PPM1D: variants seen among roughly 807,000 people sequenced by gnomAD.
The protein encoded by PPM1D is protein phosphatase, Mg2+/Mn2+ dependent 1D, also known as protein phosphatase 1D.
A neutral mutation model predicts 58.3 loss-of-function variants in PPM1D; 52 were observed. The ratio of observed to expected loss-of-function variants is 0.89; its 90% CI spans 0.71 to 1.12. The LOEUF (loss-of-function observed/expected upper bound fraction) is 1.12, where lower values mean the gene tolerates loss of function less well. Among genes scored for constraint, PPM1D ranks in the 50% most tolerant of loss-of-function variants. PPM1D has a pLI of 0.00. For missense variants in PPM1D, 564 were observed against 777.2 expected (o/e 0.73, Z 3.26); for synonymous variants, 278 against 285.1 (o/e 0.98, Z 0.25).
rs2143605964 is a variant in PPM1D at position 60,600,258 on chromosome 17, T to C, written c.-157T>C. Reference sequence around the variant, plus strand: ...CTCCGGCCCAGCTCTCGCGGACAAGTCCAGACATCGCGCGCCCCCCCTTCT... The same window carrying C: ...CTCCGGCCCAGCTCTCGCGGACAAGCCCAGACATCGCGCGCCCCCCCTTCT... On this transcript the variant is annotated 5_prime_UTR_variant, in exon 1 of 6. Coordinates refer to ENST00000305921, the MANE Select transcript of PPM1D (RefSeq NM_003620.4). The C allele has an allele frequency of 2.2e-6, 3 of 1,385,304 alleles. 1 individual carries two copies. In the South Asian group the frequency reaches 4.4e-5, roughly 20 times the overall value. 85.8% of individuals were successfully genotyped at this position (1,385,304 alleles called of 1,614,324 possible).
intron 2 of PPM1D, among the ~76,000 whole-genome samples, chr17:60,632,693 AAG>A (rs530400715): frequency 3.5e-4 from 53 of 151,410 alleles, no homozygotes; most frequent in South Asian, 6.7e-4. Context: ...CTCCTCAAAA[AAG>A]AAAAAATTAG....
intron 5 of PPM1D, 49 bp downstream of exon 5, chr17:60,656,890 T>G: frequency 6.2e-7 from 1 of 1,611,588 alleles, no homozygotes; most frequent in East Asian, 2.2e-5. Flanking sequence ...ACACCAGTTC[T>G]TTGGTTAGCG....
chr17:60,631,468 G>A (rs1035825763), intron 2 of PPM1D, among the ~76,000 whole-genome samples: 3 of 151,898 alleles, frequency 2.0e-5, no homozygotes, highest in Non-Finnish European at 4.4e-5. Context: ...GTTAAACCCC[G>A]TCTCTACTAA....
intron 1 of PPM1D, among the ~76,000 whole-genome samples, chr17:60,615,112 T>A (rs1283311083): frequency 6.6e-6 from 1 of 152,172 alleles, no homozygotes; most frequent in Non-Finnish European, 1.5e-5. Context: ...AAAATTTTCC[T>A]TAGGCTGGGT....
chr17:60,648,059 C>G lies in PPM1D; in HGVS notation c.994C>G (p.Gln332Glu). Residue 332 changes from glutamine (Q) to glutamate (E), a missense_variant, in exon 4 of 6, where the codon CAA (glutamine) becomes GAA (glutamate). Transcript: ENST00000305921. Reference protein sequence around the residue: ...PQDAISMCQDQEEKKYLMGEH... With the variant: ...PQDAISMCQDEEEKKYLMGEH... ...AGATGCCATCTCAATGTGCCAGGACCAAGAGGAGAAAAAATACCTGATGGT... is the reference window on the plus strand; with the variant it reads ...AGATGCCATCTCAATGTGCCAGGACGAAGAGGAGAAAAAATACCTGATGGT... 1 of 1,607,732 alleles carries G rather than the reference C, an allele frequency of 6.2e-7. No homozygotes were observed. Among genetic ancestry groups the G allele is most frequent in the Non-Finnish European group, 8.5e-7 (1 of 1,178,124 alleles).
At chr17:60,613,909 C>T (rs1438637699) in intron 1 of PPM1D, among the ~76,000 whole-genome samples, 1 of 146,016 alleles carries the variant, frequency 6.8e-6, no homozygotes, top group African/African-American at 2.5e-5. Flanking sequence ...CCGCCACCCC[C>T]CCGCCTCACA....
At chr17:60,614,303 T>G (rs7223116) in intron 1 of PPM1D, among the ~76,000 whole-genome samples, 18,793 of 151,982 alleles carry the variant, frequency 0.12, 3,571 homozygotes, top group African/African-American at 0.41. Flanking sequence ...CTAGCCAAGG[T>G]ATTGTAAATA....
chr17:60,642,017 A>T (rs993752214), intron 3 of PPM1D, among the ~76,000 whole-genome samples: 8 of 152,264 alleles, frequency 5.3e-5, no homozygotes, highest in African/African-American at 1.7e-4. Context: ...TTCAGGACCT[A>T]CAGAAATGAT....
Position 60,663,765 on chromosome 17 carries a change from G to A in PPM1D, c.*213G>A. 1 of 535,442 alleles carries A rather than the reference G, an allele frequency of 1.9e-6. No homozygotes were observed. The highest frequency in any genetic ancestry group is 3.3e-6 in the Non-Finnish European group (1 of 306,308). The allele number at this position is 535,442 out of a possible 1,614,324, so 33.2% of individuals were successfully genotyped here. ...TAGGGTATAAGTTGCTGTAAAATTT[G>A]TGTAAATTTGTATCCACACAAATTC... On this transcript the variant is annotated 3_prime_UTR_variant, in exon 6 of 6. Transcript: ENST00000305921.
At chr17:60,603,856 A>G (rs2030274917) in intron 1 of PPM1D, among the ~76,000 whole-genome samples, 1 of 152,240 alleles carries the variant, frequency 6.6e-6, no homozygotes, top group Admixed American at 6.5e-5. Flanking sequence ...TAGCAGCCCC[A>G]CATGCATATG....
intron 5 of PPM1D, 62 bp downstream of exon 5, chr17:60,656,903 A>T (rs753213011): frequency 6.2e-7 from 1 of 1,608,976 alleles, no homozygotes; most frequent in Non-Finnish European, 8.5e-7. Context: ...GGTTAGCGTC[A>T]CCTGGAAACA....
In PPM1D at chr17:60,624,938, G is replaced by A. The variant is rs1327076843; in HGVS notation, c.701+1189G>A. Among the ~76,000 whole-genome samples the A allele has an allele frequency of 3.3e-5, 5 of 152,170 alleles. No homozygotes were observed. In the East Asian group the frequency reaches 5.8e-4, roughly 18 times the overall value. On this transcript the variant is annotated intron_variant, in intron 2 of 5. Transcript: ENST00000305921. The stretch of plus-strand genomic sequence containing the variant: ...GTGGATTGTCTGAGCTCAGGAGTTC[G>A]AGACCAGCTTGGGGAACATGGTGAA...
intron 1 of PPM1D, among the ~76,000 whole-genome samples, chr17:60,617,554 A>G (rs535058048): frequency 5.8e-4 from 82 of 141,170 alleles, no homozygotes; most frequent in African/African-American, 2.0e-3. Flanking sequence ...CCTGTTGTTA[A>G]AAAAAAAAAA....
Position 60,663,160 on chromosome 17 carries a change from GA to G in PPM1D, c.1430del (p.Asn477IlefsTer6). ...CTCAAAAGATCCAGAACCACTTGAA[GA>G]AAATTGCGCTAAAGCCCTGACTTTA... Reference protein sequence around the residue: ...IPSKDPEPLEENCAKALTLRI... With the variant: ...IPSKDPEPLEXNCAKALTLRI... On this transcript the variant is annotated frameshift_variant, in exon 6 of 6. Coordinates refer to ENST00000305921, the MANE Select transcript of PPM1D (RefSeq NM_003620.4). LOFTEE classifies it high-confidence loss of function. 6.2e-7 allele frequency: 1 copy of G among 1,614,188 alleles called. No individual in the cohort carries two copies. The highest frequency in any genetic ancestry group is 8.5e-7 in the Non-Finnish European group (1 of 1,180,012).
In PPM1D at chr17:60,633,834, G is replaced by T; in HGVS notation, c.702-19G>T. On this transcript the variant is annotated intron_variant, in intron 2 of 5. Transcript: ENST00000305921. ...TATTTTAATCATTTAGATTATTTAT[G>T]TGAACTCTTTATTTTTAGTGTAATG... 6.3e-7 allele frequency: 1 copy of T among 1,594,202 alleles called. No homozygotes were observed. Among genetic ancestry groups the T allele is most frequent in the Non-Finnish European group, 8.6e-7 (1 of 1,166,636 alleles).
At chr17:60,628,165 T>A (rs1220491731) in intron 2 of PPM1D, among the ~76,000 whole-genome samples, 1 of 152,218 alleles carries the variant, frequency 6.6e-6, no homozygotes, top group Non-Finnish European at 1.5e-5. Flanking sequence ...GAATGCTTTT[T>A]AAAAATCCCT....
chr17:60,639,524 G>A (rs2031093349), intron 3 of PPM1D, among the ~76,000 whole-genome samples: 3 of 151,566 alleles, frequency 2.0e-5, no homozygotes, highest in Non-Finnish European at 2.9e-5. Flanking sequence ...TGCAGCCTCC[G>A]CCTTCCGGGT....
chr17:60,641,504 A>G (rs1188615618), intron 3 of PPM1D, among the ~76,000 whole-genome samples: 1 of 152,176 alleles, frequency 6.6e-6, no homozygotes, highest in Admixed American at 6.5e-5. Flanking sequence ...TGTCAGATAC[A>G]TAGTTTGTGA....
chr17:60,663,271 T>C lies in PPM1D; in HGVS notation c.1537T>C (p.Leu513=), dbSNP rs202221678. The change falls in exon 6 of 6, where the codon TTG becomes CTG. Residue 513 remains leucine, a synonymous_variant. Coordinates refer to ENST00000305921, the MANE Select transcript of PPM1D (RefSeq NM_003620.4). ...STNTVMDQKN[L]KMSTPGQMKA... is the part of the protein sequence containing the mutation. ...AAACACTGTCATGGACCAAAAAAAT[T>C]TGAAGATGTCAACTCCTGGCCAAAT... 1.2e-6 allele frequency: 2 copies of C among 1,614,000 alleles called. No individual in the cohort carries two copies. Among genetic ancestry groups the C allele is most frequent in the Non-Finnish European group, 1.7e-6 (2 of 1,180,024 alleles).
Sources: allele counts gnomAD v4.1 joint callset (sites outside exome capture counted in the v4.1 genomes callset), GRCh38; gene constraint gnomAD v4.1.1; transcripts MANE v1.5; gene names NCBI Gene and HGNC (gene_info 2026-07-23, HGNC 2026-07-21).